Variants in TRHDE observed in about 807,000 individuals in gnomAD.
TRHDE encodes the protein thyrotropin releasing hormone degrading enzyme, also known as thyrotropin-releasing hormone-degrading ectoenzyme.
Under a neutral mutation model 125.7 loss-of-function variants are expected in TRHDE, and 72 were observed. The observed-to-expected ratio is 0.57, with a 90% confidence interval of 0.47 to 0.70. TRHDE has a LOEUF of 0.70. Ranked by LOEUF, TRHDE falls within the 30% of genes least tolerant of loss-of-function variation. The pLI is 0.00. For synonymous variants in TRHDE, 509 were observed against 509.1 expected (o/e 1.00, Z 0.00); for missense variants, 1,110 against 1,327.1 (o/e 0.84, Z 2.54).
At chr12:72,570,796 C>T (rs1022147229) in intron 10 of TRHDE, among the ~76,000 whole-genome samples, 1 of 152,122 alleles carries the variant, frequency 6.6e-6, no homozygotes, top group African/African-American at 2.4e-5. Flanking sequence ...CAGTAGATAA[C>T]TGTAGGAGGC....
intron 6 of TRHDE, among the ~76,000 whole-genome samples, chr12:72,531,706 A>G (rs897035698): frequency 6.6e-6 from 1 of 152,010 alleles, no homozygotes; most frequent in Non-Finnish European, 1.5e-5. Flanking sequence ...AAATCATTCT[A>G]GTGTGATTTA....
intron 12 of TRHDE, among the ~76,000 whole-genome samples, chr12:72,583,242 A>C (rs1414726585): frequency 6.6e-6 from 1 of 152,200 alleles, no homozygotes; most frequent in Non-Finnish European, 1.5e-5. Context: ...TGTTGACTAT[A>C]TGCTTCCACT....
At chr12:72,300,558 A>ATG (rs147510620) in intron 2 of TRHDE, among the ~76,000 whole-genome samples, 7 of 151,042 alleles carry the variant, frequency 4.6e-5, no homozygotes, top group Middle Eastern at 3.4e-3. Context: ...TATGGCATAT[A>ATG]TGTGTGTGTG....
At chr12:72,560,405 TA>T (rs1870121764) in intron 7 of TRHDE, 1 of 152,208 alleles carries the variant, frequency 6.6e-6, no homozygotes, top group Non-Finnish European at 1.5e-5. Context: ...AAGAAAATTG[TA>T]TATTGGATTT....
chr12:72,627,376 A>G (rs1873304347), intron 15 of TRHDE, among the ~76,000 whole-genome samples: 1 of 151,876 alleles, frequency 6.6e-6, no homozygotes. Context: ...GGAATTTTAT[A>G]TATCAGTAGT....
At chr12:72,232,716 T>A (rs1878270335) in intron 2 of TRHDE, among the ~76,000 whole-genome samples, 1 of 152,124 alleles carries the variant, frequency 6.6e-6, no homozygotes, top group African/African-American at 2.4e-5. Context: ...TTCCGCTACC[T>A]AAACTACTCT....
chr12:72,614,502 C>G (rs1310450346), intron 12 of TRHDE, among the ~76,000 whole-genome samples: 1 of 151,602 alleles, frequency 6.6e-6, no homozygotes, highest in Non-Finnish European at 1.5e-5. Context: ...TGAAGAATAA[C>G]AGATAAAACC....
intron 3 of TRHDE, among the ~76,000 whole-genome samples, chr12:72,426,952 A>G (rs900961456): frequency 6.6e-6 from 1 of 152,088 alleles, no homozygotes; most frequent in Admixed American, 6.6e-5. Context: ...TTAGTGGCCA[A>G]ATGTCACCTA....
chr12:72,159,230 G>C (rs1275139891), intron 2 of TRHDE, among the ~76,000 whole-genome samples: 3 of 152,094 alleles, frequency 2.0e-5, no homozygotes, highest in African/African-American at 7.2e-5. Flanking sequence ...GAAAGTTACT[G>C]ATAATTAACC....
chr12:72,240,016 T>G (rs1878442844), intron 2 of TRHDE, among the ~76,000 whole-genome samples: 1 of 152,178 alleles, frequency 6.6e-6, no homozygotes, highest in Non-Finnish European at 1.5e-5. Context: ...TGGAACTACT[T>G]TTGCGTGTGT....
At chr12:72,295,370 C>T (rs1025588957) in intron 2 of TRHDE, among the ~76,000 whole-genome samples, 2 of 152,122 alleles carry the variant, frequency 1.3e-5, no homozygotes, top group Non-Finnish European at 2.9e-5. Flanking sequence ...GCAGCAGCTG[C>T]TCCAGATGGC....
At chr12:72,497,141 C>T (rs553179554) in intron 5 of TRHDE, among the ~76,000 whole-genome samples, 1 of 152,026 alleles carries the variant, frequency 6.6e-6, no homozygotes. Context: ...ACAGATAAAT[C>T]GTTTGCTAAT....
chr12:72,420,812 A>G (rs186422551), intron 3 of TRHDE, among the ~76,000 whole-genome samples: 1 of 152,270 alleles, frequency 6.6e-6, no homozygotes, highest in East Asian at 1.9e-4. Flanking sequence ...TAAACTCCCA[A>G]CATACTCTCA....
chr12:72,463,403 A>G (rs1000659503), intron 3 of TRHDE, among the ~76,000 whole-genome samples: 2 of 152,216 alleles, frequency 1.3e-5, no homozygotes, highest in Non-Finnish European at 2.9e-5. Flanking sequence ...GATAAGTTTG[A>G]GTGTGGACAA....
At chr12:72,203,483 TA>T (rs774123378) in intron 2 of TRHDE, among the ~76,000 whole-genome samples, 14 of 149,948 alleles carry the variant, frequency 9.3e-5, no homozygotes, top group African/African-American at 2.0e-4. Flanking sequence ...AAATAAAAAA[TA>T]AAAAAAAAGA....
chr12:72,478,609 G>T (rs972055459), intron 5 of TRHDE, among the ~76,000 whole-genome samples: 4 of 152,108 alleles, frequency 2.6e-5, no homozygotes, highest in Admixed American at 6.5e-5. Flanking sequence ...CCTGGCATTT[G>T]CAGTTAGAGA....
intron 10 of TRHDE, among the ~76,000 whole-genome samples, chr12:72,571,028 A>G (rs1325208052): frequency 6.6e-6 from 1 of 152,238 alleles, no homozygotes; most frequent in Admixed American, 6.5e-5. Context: ...AGTTTACAAG[A>G]GGCATCTAAA....
chr12:72,463,236 T>G (rs1009840104), intron 3 of TRHDE, among the ~76,000 whole-genome samples: 1 of 152,204 alleles, frequency 6.6e-6, no homozygotes, highest in African/African-American at 2.4e-5. Context: ...GCTAGGATAT[T>G]TATTTCTTCA....
chr12:72,117,287 C>T (rs1022826437), intron 2 of TRHDE, among the ~76,000 whole-genome samples: 22 of 152,174 alleles, frequency 1.4e-4, no homozygotes, highest in Admixed American at 3.3e-4. Flanking sequence ...TTTCATTCTT[C>T]AGCATATCAA....
Sources: gnomAD v4.1 joint callset for allele counts (sites outside exome capture counted in the v4.1 genomes callset) on GRCh38, gnomAD v4.1.1 for gene constraint, MANE v1.5 for transcripts, NCBI Gene and HGNC (gene_info 2026-07-23, HGNC 2026-07-21) for gene names.